Variants in PLCB1 observed in about 807,000 individuals in gnomAD.
PLCB1 encodes the protein 1-phosphatidylinositol 4,5-bisphosphate phosphodiesterase beta-1.
PLCB1 carries 46 observed loss-of-function variants against 161.8 expected under a neutral mutation model. The observed-to-expected ratio is 0.28, with a 90% CI of 0.22 to 0.36. The LOEUF is 0.36. PLCB1 is among the 10% of genes least tolerant of loss of function. The pLI is 1.00. For missense variants in PLCB1, 1,016 were observed against 1,472.5 expected (o/e 0.69, Z 5.07); for synonymous variants, 517 against 503.7 (o/e 1.03, Z -0.35).
At chr20:8,423,496 A>G (rs1405320174) in intron 3 of PLCB1, among the ~76,000 whole-genome samples, 3 of 152,208 alleles carry the variant, frequency 2.0e-5, no homozygotes, top group Non-Finnish European at 4.4e-5. Flanking sequence ...GAAGGAGCCA[A>G]TAATTGGAAA....
chr20:8,858,912 CAAAA>C (rs11482207), intron 31 of PLCB1, among the ~76,000 whole-genome samples: 8 of 111,562 alleles, frequency 7.2e-5, no homozygotes, highest in African/African-American at 2.0e-4. Context: ...TTTGAGTGTG[CAAAA>C]AAAAAAAAAA....
intron 2 of PLCB1, among the ~76,000 whole-genome samples, chr20:8,169,602 C>T (rs1286506855): frequency 6.6e-6 from 1 of 152,058 alleles, no homozygotes; most frequent in Admixed American, 6.6e-5. Context: ...TTGGTTGAAA[C>T]ATCAGGGCCC....
intron 31 of PLCB1, among the ~76,000 whole-genome samples, chr20:8,874,085 G>GGTAA (rs1386340948): frequency 6.6e-6 from 1 of 151,890 alleles, no homozygotes; most frequent in Non-Finnish European, 1.5e-5. Context: ...CACAAAAAAT[G>GGTAA]GTAAGTATTT....
chr20:8,220,290 C>A (rs1402189364), intron 2 of PLCB1, among the ~76,000 whole-genome samples: 2 of 152,028 alleles, frequency 1.3e-5, no homozygotes, highest in Non-Finnish European at 2.9e-5. Context: ...TACAGGTGTA[C>A]TAAATTCCAC....
intron 10 of PLCB1, among the ~76,000 whole-genome samples, chr20:8,686,525 G>A (rs1308596100): frequency 6.6e-6 from 1 of 152,090 alleles, no homozygotes; most frequent in Non-Finnish European, 1.5e-5. Context: ...TATAATAAAT[G>A]AGTCAGTAAT....
chr20:8,221,418 T>G (rs1195816409), intron 2 of PLCB1, among the ~76,000 whole-genome samples: 1 of 152,202 alleles, frequency 6.6e-6, no homozygotes, highest in Non-Finnish European at 1.5e-5. Context: ...TTTTGGGCAC[T>G]GTTTAATAAA....
chr20:8,758,170 A>G (rs6118307), intron 24 of PLCB1, among the ~76,000 whole-genome samples: 86,077 of 149,008 alleles, frequency 0.58, 25,291 homozygotes, highest in South Asian at 0.72. Flanking sequence ...GTCATACTAG[A>G]TCAGGGTGCC....
intron 2 of PLCB1, among the ~76,000 whole-genome samples, chr20:8,324,922 A>G (rs1259118004): frequency 2.0e-5 from 3 of 152,244 alleles, no homozygotes; most frequent in Admixed American, 1.3e-4. Context: ...CCATGTGGGA[A>G]TAACGTCTAA....
intron 3 of PLCB1, among the ~76,000 whole-genome samples, chr20:8,428,026 C>G (rs1403413752): frequency 2.0e-5 from 3 of 152,022 alleles, no homozygotes; most frequent in African/African-American, 7.2e-5. Flanking sequence ...TTATTTTCTT[C>G]CCCCACAACC....
intron 3 of PLCB1, among the ~76,000 whole-genome samples, chr20:8,449,633 A>G (rs1980986416): frequency 1.3e-5 from 2 of 152,126 alleles, no homozygotes; most frequent in Admixed American, 1.3e-4. Context: ...ACATACTACA[A>G]TCGTTTCTTA....
At chr20:8,446,037 A>C (rs1279682432) in intron 3 of PLCB1, among the ~76,000 whole-genome samples, 1 of 152,168 alleles carries the variant, frequency 6.6e-6, no homozygotes, top group East Asian at 1.9e-4. Context: ...AAAAGAGGGA[A>C]TCCTCCCTAA....
intron 2 of PLCB1, among the ~76,000 whole-genome samples, chr20:8,207,130 C>T (rs1233231665): frequency 7.4e-5 from 7 of 94,628 alleles, no homozygotes; most frequent in African/African-American, 1.3e-4. Flanking sequence ...TTTAAATTCT[C>T]TTCTGCTGTT....
In PLCB1 at chr20:8,565,286, A is replaced by G. The variant is rs184426972; in HGVS notation, c.247-63008A>G. Among the ~76,000 whole-genome samples the G allele has an allele frequency of 3.2e-3, 480 of 152,222 alleles. 4 individuals carry two copies. Among genetic ancestry groups the G allele is most frequent in the African/African-American group, 0.011 (467 of 41,546 alleles). On this transcript the variant is annotated intron_variant, in intron 3 of 31. Transcript: ENST00000338037. ...CTCACTCATAAGTGGGAGTTGAACA[A>G]TGAGAACACACGGACACAGGAAGGG...
chr20:8,239,474 A>G (rs1980497026), intron 2 of PLCB1, among the ~76,000 whole-genome samples: 1 of 152,016 alleles, frequency 6.6e-6, no homozygotes, highest in Non-Finnish European at 1.5e-5. Flanking sequence ...GGGTGTGGAT[A>G]AATTAGAGAG....
chr20:8,874,276 G>A (rs1212338606), intron 31 of PLCB1, among the ~76,000 whole-genome samples: 2 of 150,116 alleles, frequency 1.3e-5, no homozygotes, highest in African/African-American at 2.4e-5. Flanking sequence ...TGCTCCCAGA[G>A]AAGAAAAAGA....
At chr20:8,560,195 A>G (rs115277905) in intron 3 of PLCB1, among the ~76,000 whole-genome samples, 1,681 of 152,112 alleles carry the variant, frequency 0.011, 25 homozygotes, top group African/African-American at 0.036. Context: ...ACAAACTTCC[A>G]GGAGATGCTC....
At chr20:8,288,102 C>T (rs746121399) in intron 2 of PLCB1, among the ~76,000 whole-genome samples, 2 of 152,178 alleles carry the variant, frequency 1.3e-5, no homozygotes, top group Non-Finnish European at 2.9e-5. Context: ...AGAGGACCCT[C>T]CAATCGGTAC....
intron 2 of PLCB1, among the ~76,000 whole-genome samples, chr20:8,299,023 A>T (rs1025588733): frequency 7.6e-6 from 1 of 131,872 alleles, no homozygotes; most frequent in Non-Finnish European, 1.6e-5. Context: ...GACAGACTAG[A>T]TTCATTCATT....
At chr20:8,142,624 G>A (rs752369020) in intron 1 of PLCB1, among the ~76,000 whole-genome samples, 6 of 152,076 alleles carry the variant, frequency 3.9e-5, no homozygotes, top group Non-Finnish European at 7.4e-5. Flanking sequence ...CCCAAATATT[G>A]CAATGAAAAG....
Sources: allele counts gnomAD v4.1 joint callset (sites outside exome capture counted in the v4.1 genomes callset), GRCh38; gene constraint gnomAD v4.1.1; transcripts MANE v1.5; gene names NCBI Gene and HGNC (gene_info 2026-07-23, HGNC 2026-07-21).